The following FAM234B variants were observed in gnomAD, a reference collection of about 807,000 sequenced individuals.
FAM234B encodes the protein family with sequence similarity 234 member B, also known as protein FAM234B.
FAM234B carries 33 observed loss-of-function variants against 69.3 expected under a neutral mutation model. That is an observed-to-expected ratio of 0.48 (90% confidence interval 0.36 to 0.64). The LOEUF is 0.64. FAM234B is among the 30% of genes least tolerant of loss of function. FAM234B has a pLI of 0.00. For synonymous variants in FAM234B, 306 were observed against 306.9 expected (o/e 1.00, Z 0.03); for missense variants, 697 against 769.7 (o/e 0.91, Z 1.12).
chr12:13,075,587 C>T (rs980916994), intron 10 of FAM234B, among the ~76,000 whole-genome samples: 4 of 150,614 alleles, frequency 2.7e-5, no homozygotes, highest in African/African-American at 9.7e-5. Context: ...ACAGGCATAC[C>T]ACCAAGCCCA....
chr12:13,056,115 A>G (rs1864928610), intron 2 of FAM234B, among the ~76,000 whole-genome samples, 169 bp downstream of exon 2: 1 of 152,222 alleles, frequency 6.6e-6, no homozygotes, highest in Admixed American at 6.5e-5. Context: ...AAAGAAAACA[A>G]ACACCTCCAA....
At position 13,061,674 on chromosome 12, in the gene FAM234B, G is replaced by T. The variant is rs1484498998; in HGVS notation, c.632G>T (p.Cys211Phe). 6.2e-7 allele frequency: 1 copy of T among 1,614,006 alleles called. No homozygotes were observed. Among genetic ancestry groups the T allele is most frequent in the African/African-American group, 1.3e-5 (1 of 74,910 alleles). ...LLPEEARDIT[C>F]LELMPGSLAE... Reference sequence around the variant, plus strand: ...CCTGAGGAGGCTCGAGATATCACATGTTTGGAGCTGATGCCAGGAAGCTTG... The same window carrying T: ...CCTGAGGAGGCTCGAGATATCACATTTTTGGAGCTGATGCCAGGAAGCTTG... Residue 211 changes from cysteine (C) to phenylalanine (F), a missense_variant, in exon 4 of 13, where the codon TGT (cysteine) becomes TTT (phenylalanine). Coordinates refer to ENST00000197268, the MANE Select transcript of FAM234B (RefSeq NM_020853.2).
At chr12:13,058,017 T>G (rs116523264) in intron 2 of FAM234B, among the ~76,000 whole-genome samples, 22 of 152,314 alleles carry the variant, frequency 1.4e-4, no homozygotes, top group African/African-American at 5.3e-4. Context: ...AGTAGAGCAG[T>G]TATTATCTAC....
chr12:13,065,259 T>C (rs1269807014), intron 5 of FAM234B, among the ~76,000 whole-genome samples: 6 of 152,214 alleles, frequency 3.9e-5, no homozygotes, highest in African/African-American at 1.4e-4. Context: ...CTAGTCCCTC[T>C]AAGCTTGCTA....
chr12:13,045,062 C>T (rs1864791072), intron 1 of FAM234B, among the ~76,000 whole-genome samples: 1 of 152,176 alleles, frequency 6.6e-6, no homozygotes, highest in South Asian at 2.1e-4. Context: ...TTTGATTCCA[C>T]TTGGTCAGTC....
chr12:13,068,324 A>G lies in FAM234B; in HGVS notation c.1163A>G (p.Gln388Arg). 1 of 1,614,224 alleles carries G rather than the reference A, an allele frequency of 6.2e-7. No homozygotes were observed. The highest frequency in any genetic ancestry group is 8.5e-7 in the Non-Finnish European group (1 of 1,180,030). ...DVYSDGVELL[Q>R]MVKAPDSNCS... The stretch of plus-strand genomic sequence containing the variant: ...CCCAGTGATGGTGTTGAACTACTCC[A>G]GATGGTGAAGGCACCAGATTCCAAC... The change falls in exon 8 of 13, where the codon CAG (glutamine) becomes CGG (arginine). Residue 388 changes from glutamine to arginine, a missense_variant. This residue lies in a region of FAM234B where 313 missense variants were observed against 305.5 expected (regional missense o/e 1.02). Transcript: ENST00000197268.
intron 1 of FAM234B, among the ~76,000 whole-genome samples, chr12:13,053,667 G>A (rs1401364532): frequency 6.6e-6 from 1 of 152,148 alleles, no homozygotes; most frequent in South Asian, 2.1e-4. Flanking sequence ...ACTGATGAGG[G>A]TCTGTGTCCT....
intron 5 of FAM234B, 135 bp from the exon 6 acceptor site, chr12:13,066,505 G>C: frequency 1.1e-6 from 1 of 944,280 alleles, no homozygotes; most frequent in Non-Finnish European, 1.6e-6. Flanking sequence ...AGCAGGTTTG[G>C]CTTTGTGCTT....
chr12:13,072,356 A>G (rs1438952314), intron 10 of FAM234B, among the ~76,000 whole-genome samples: 1 of 152,222 alleles, frequency 6.6e-6, no homozygotes, highest in African/African-American at 2.4e-5. Flanking sequence ...GACCGTGGGC[A>G]ATTTACCTAA....
chr12:13,075,062 A>G (rs1865144863), intron 10 of FAM234B, among the ~76,000 whole-genome samples: 1 of 152,206 alleles, frequency 6.6e-6, no homozygotes, highest in South Asian at 2.1e-4. Flanking sequence ...CCATCCCCAC[A>G]TAGAAGTCAT....
rs958105196 is a variant in FAM234B at position 13,066,945 on chromosome 12, A to G, written c.1000+158A>G. The G allele has an allele frequency of 2.9e-5, 27 of 945,770 alleles. No homozygotes were observed. The African/African-American group carries it at 3.2e-4, about 11-fold the overall frequency. The allele number at this position is 945,770 out of a possible 1,614,324, so 58.6% of individuals were successfully genotyped here. On this transcript the variant is annotated intron_variant, in intron 6 of 12. Coordinates refer to ENST00000197268, the MANE Select transcript of FAM234B (RefSeq NM_020853.2). ...TACTGTCCCCCACCGATCACAGGCT[A>G]TTAACTCTGCCTTCCCTTGCTGCCT... is the stretch of plus-strand genomic sequence containing the variant.
At position 13,067,111 on chromosome 12, in the gene FAM234B, C is replaced by G. The variant is rs1786767086; in HGVS notation, c.1001-44C>G. Reference sequence around the variant, plus strand: ...CTCAGATCCTCACCATGGGACAGTTCTGTTAAATTCAACTTCTCAGTGTTG... The same window carrying G: ...CTCAGATCCTCACCATGGGACAGTTGTGTTAAATTCAACTTCTCAGTGTTG... On this transcript the variant is annotated intron_variant, in intron 6 of 12. Transcript: ENST00000197268. The surrounding 1 kb of genome is among the most constrained non-coding windows in gnomAD (Gnocchi z 4.7). 6.2e-7 allele frequency: 1 copy of G among 1,610,810 alleles called. No individual in the cohort carries two copies. Among genetic ancestry groups the G allele is most frequent in the Non-Finnish European group, 8.5e-7 (1 of 1,177,546 alleles).
chr12:13,053,691 T>G (rs1046882453), intron 1 of FAM234B, among the ~76,000 whole-genome samples: 14 of 152,326 alleles, frequency 9.2e-5, no homozygotes, highest in Admixed American at 2.6e-4. Flanking sequence ...GTGCACGTAT[T>G]GTCTTGATAA....
At chr12:13,047,769 T>C (rs1864827217) in intron 1 of FAM234B, among the ~76,000 whole-genome samples, 1 of 152,228 alleles carries the variant, frequency 6.6e-6, no homozygotes, top group Non-Finnish European at 1.5e-5. Flanking sequence ...GAGTGAGTGC[T>C]AAGTGCCCTA....
intron 1 of FAM234B, among the ~76,000 whole-genome samples, chr12:13,052,871 C>T (rs1864889768): frequency 6.6e-6 from 1 of 152,076 alleles, no homozygotes; most frequent in African/African-American, 2.4e-5. Flanking sequence ...CAAGAACAAA[C>T]AATCACTTTA....
rs533017443 is a variant in FAM234B at position 13,078,893 on chromosome 12, T to G, written c.1643-896T>G. Among the ~76,000 whole-genome samples, 12 of 151,492 alleles carry G rather than the reference T, an allele frequency of 7.9e-5. No individual in the cohort carries two copies. The South Asian group carries it at 2.1e-3, about 27-fold the overall frequency. ...CACTGCTCAAGGAAATAAAAGAGGA[T>G]ACAAACAAATGGAAGAACATTCCAT... On this transcript the variant is annotated intron_variant, in intron 11 of 12. Transcript: ENST00000197268.
chr12:13,075,417 CCTTTT>C (rs1453818218), intron 10 of FAM234B, among the ~76,000 whole-genome samples: 38 of 148,430 alleles, frequency 2.6e-4, no homozygotes, highest in Admixed American at 8.1e-4. Flanking sequence ...CTGTACATTG[CCTTTT>C]CTTTTCTTTT....
At chr12:13,062,745 C>T in intron 4 of FAM234B, 100 bp from the exon 5 acceptor site, 1 of 1,285,496 alleles carries the variant, frequency 7.8e-7, no homozygotes, top group African/African-American at 1.5e-5. Flanking sequence ...GTCTGTTGTT[C>T]AGCCCCTTGC....
intron 6 of FAM234B, 102 bp downstream of exon 6, chr12:13,066,889 C>A: frequency 7.6e-7 from 1 of 1,313,380 alleles, no homozygotes; most frequent in Non-Finnish European, 1.1e-6. Context: ...TGACACCAGC[C>A]TTCCCATAGC....
Sources: gnomAD v4.1 joint callset for allele counts (sites outside exome capture counted in the v4.1 genomes callset) on GRCh38, gnomAD v4.1.1 for gene constraint, gnomAD v4.1.1 regional missense constraint, Gnocchi (gnomAD v3.1) non-coding constraint, MANE v1.5 for transcripts, NCBI Gene and HGNC (gene_info 2026-07-23, HGNC 2026-07-21) for gene names.